Variants in BNC2 observed in about 807,000 individuals in gnomAD.
The protein encoded by BNC2 is zinc finger protein basonuclin-2.
In BNC2, 20 loss-of-function variants were observed where a neutral mutation model predicts 76.3. That is an observed-to-expected ratio of 0.26 (90% CI 0.18 to 0.38). The LOEUF is 0.38. Among genes scored for constraint, BNC2 ranks in the 10% least tolerant of loss-of-function variants. The pLI, the probability that BNC2 is intolerant of heterozygous loss-of-function variation, is 1.00. For synonymous variants in BNC2, 582 were observed against 514.8 expected (o/e 1.13, Z -1.77); for missense variants, 1,382 against 1,399.8 (o/e 0.99, Z 0.20).
intron 5 of BNC2, among the ~76,000 whole-genome samples, chr9:16,506,672 C>T (rs1197184286): frequency 4.0e-5 from 6 of 151,582 alleles, no homozygotes; most frequent in Admixed American, 6.6e-5. Context: ...ATTACAGTCA[C>T]CCGCCACCAC....
At chr9:16,704,852 G>C (rs980877304) in intron 3 of BNC2, 5 of 152,650 alleles carry the variant, frequency 3.3e-5, no homozygotes, top group Admixed American at 3.3e-4. Context: ...AGGGGGGACA[G>C]GGACGGAGGC....
intron 2 of BNC2, 97 bp from the exon 3 acceptor site, chr9:16,728,094 A>G: frequency 1.6e-6 from 1 of 619,204 alleles, no homozygotes; most frequent in Non-Finnish European, 2.8e-6. Flanking sequence ...TTCATTTGGG[A>G]AGGGGGAGAT....
chr9:16,494,025 G>C (rs190014175), intron 5 of BNC2, among the ~76,000 whole-genome samples: 1 of 152,156 alleles, frequency 6.6e-6, no homozygotes, highest in Non-Finnish European at 1.5e-5. Context: ...TGCATGTTTG[G>C]TTTTGTCCTA....
At chr9:16,838,214 T>C (rs558169958) in intron 1 of BNC2, among the ~76,000 whole-genome samples, 2 of 152,322 alleles carry the variant, frequency 1.3e-5, no homozygotes, top group Admixed American at 6.5e-5. Flanking sequence ...TTTTTTTCCA[T>C]GTACAAATAC....
chr9:16,815,530 C>A (rs1021219621), intron 1 of BNC2, among the ~76,000 whole-genome samples: 1 of 152,160 alleles, frequency 6.6e-6, no homozygotes, highest in African/African-American at 2.4e-5. Context: ...TCCCTAAGAT[C>A]TGGGATCTAA....
At chr9:16,565,270 C>T (rs1045872255) in intron 4 of BNC2, among the ~76,000 whole-genome samples, 2 of 152,158 alleles carry the variant, frequency 1.3e-5, no homozygotes, top group East Asian at 3.9e-4. Context: ...ACACAAAATC[C>T]TTAACCTGGG....
At chr9:16,632,515 T>C (rs1363784292) in intron 3 of BNC2, among the ~76,000 whole-genome samples, 1 of 137,672 alleles carries the variant, frequency 7.3e-6, no homozygotes, top group Non-Finnish European at 1.5e-5. Context: ...GAACTCTTAA[T>C]TTAAGGGAAC....
Position 16,472,391 on chromosome 9 carries a change from G to T in BNC2, c.670-34867C>A, listed in dbSNP as rs535440395. ...CCTGCATTTGTCAGTGAGAATGATG[G>T]AAATTAGGAAAAACTGAGATCTAAG... is the stretch of plus-strand genomic sequence containing the variant. On this transcript the variant is annotated intron_variant, in intron 5 of 6. Transcript: ENST00000380672. Among the ~76,000 whole-genome samples, 27 of 152,310 alleles carry T rather than the reference G, an allele frequency of 1.8e-4. No homozygotes were observed. In the South Asian group the frequency reaches 5.2e-3, roughly 29 times the overall value.
chr9:16,464,876 T>A (rs1821670183), intron 5 of BNC2, among the ~76,000 whole-genome samples: 1 of 152,198 alleles, frequency 6.6e-6, no homozygotes. Flanking sequence ...TCAAGATGGG[T>A]GATGTCTGTG....
chr9:16,511,961 A>G (rs1427822646), intron 5 of BNC2, among the ~76,000 whole-genome samples: 1 of 152,200 alleles, frequency 6.6e-6, no homozygotes, highest in African/African-American at 2.4e-5. Flanking sequence ...AAATCTCATT[A>G]TGATACTTAT....
intron 1 of BNC2, among the ~76,000 whole-genome samples, chr9:16,843,981 G>C (rs1818899413): frequency 6.6e-6 from 1 of 152,020 alleles, no homozygotes; most frequent in African/African-American, 2.4e-5. Flanking sequence ...TGTTGTTGTT[G>C]TTCATTTAAA....
chr9:16,786,586 G>A (rs1826299872), intron 1 of BNC2, among the ~76,000 whole-genome samples: 1 of 152,122 alleles, frequency 6.6e-6, no homozygotes, highest in Non-Finnish European at 1.5e-5. Context: ...ACCCTTTTCT[G>A]TCCCGGATAC....
intron 3 of BNC2, among the ~76,000 whole-genome samples, chr9:16,595,987 T>C (rs945025889): frequency 6.6e-6 from 1 of 152,104 alleles, no homozygotes; most frequent in African/African-American, 2.4e-5. Context: ...TAATGGGCTA[T>C]AACAGCTTCG....
At chr9:16,573,687 A>G (rs12352543) in intron 4 of BNC2, among the ~76,000 whole-genome samples, 19,745 of 152,048 alleles carry the variant, frequency 0.13, 1,984 homozygotes, top group African/African-American at 0.27. Flanking sequence ...ACCAGGGAGC[A>G]GCTGAACGAA....
chr9:16,702,838 A>G (rs1823554917), intron 3 of BNC2, among the ~76,000 whole-genome samples: 1 of 152,198 alleles, frequency 6.6e-6, no homozygotes, highest in Non-Finnish European at 1.5e-5. Flanking sequence ...AAAAGCAAAG[A>G]AAATAAAGGT....
chr9:16,453,274 A>G (rs559036343), intron 5 of BNC2, among the ~76,000 whole-genome samples: 1 of 152,244 alleles, frequency 6.6e-6, no homozygotes, highest in African/African-American at 2.4e-5. Flanking sequence ...AAGTTGTCTA[A>G]TATCATGAAG....
At chr9:16,498,612 G>A (rs1822450621) in intron 5 of BNC2, among the ~76,000 whole-genome samples, 1 of 149,968 alleles carries the variant, frequency 6.7e-6, no homozygotes, top group Non-Finnish European at 1.5e-5. Flanking sequence ...CACCACTAAA[G>A]AACTTACTCA....
chr9:16,862,514 C>A (rs1934280), intron 1 of BNC2, among the ~76,000 whole-genome samples: 1 of 152,010 alleles, frequency 6.6e-6, no homozygotes, highest in African/African-American at 2.4e-5. Flanking sequence ...ATAGATACCC[C>A]GTCCCAGCGC....
rs1563814965 is a variant in BNC2, at chr9:16,506,511, C to CTTTTTT, written c.669+46018_669+46019insAAAAAA. Among the ~76,000 whole-genome samples, 47 of 81,438 alleles carry CTTTTTT rather than the reference C, an allele frequency of 5.8e-4. 2 individuals are homozygous for CTTTTTT. The highest frequency in any genetic ancestry group is 2.4e-3 in the African/African-American group (43 of 18,090). 53.4% of individuals were successfully genotyped at this position (81,438 alleles called of 152,430 possible). A position where few individuals can be genotyped will look rare whatever the true frequency, so the allele number is the denominator to read the frequency against. On this transcript the variant is annotated intron_variant, in intron 5 of 6. Coordinates refer to ENST00000380672, the MANE Select transcript of BNC2 (RefSeq NM_017637.6). ...AAGTACACTTCTCTCTCTCTCTCTCCTCTTTTTTTTTTTTTTTTTTTTTTT... is the reference window on the plus strand; with the variant it reads ...AAGTACACTTCTCTCTCTCTCTCTCCTTTTTTTCTTTTTTTTTTTTTTTTTTTTTTT...
Sources: gnomAD v4.1 joint callset for allele counts (sites outside exome capture counted in the v4.1 genomes callset) on GRCh38, gnomAD v4.1.1 for gene constraint, MANE v1.5 for transcripts, NCBI Gene and HGNC (gene_info 2026-07-23, HGNC 2026-07-21) for gene names.